AUTS2: variants seen among roughly 807,000 people sequenced by gnomAD.
AUTS2 encodes the protein activator of transcription and developmental regulator AUTS2.
AUTS2 carries 17 observed loss-of-function variants against 112.4 expected under a neutral mutation model. The ratio of observed to expected loss-of-function variants is 0.15; its 90% CI spans 0.10 to 0.23. The LOEUF is 0.23. Among genes scored for constraint, AUTS2 ranks in the 10% least tolerant of loss-of-function variants. AUTS2 has a pLI of 1.00. For missense variants in AUTS2, 1,510 were observed against 1,701.6 expected (o/e 0.89, Z 1.98); for synonymous variants, 751 against 702.7 (o/e 1.07, Z -1.09).
chr7:70,292,572 C>CA (rs1788757014), intron 4 of AUTS2: 1 of 152,150 alleles, frequency 6.6e-6, no homozygotes. Flanking sequence ...AAATGCAGGA[C>CA]AAAATGCATG....
In AUTS2 at chr7:70,337,600, G is replaced by A. The variant is rs534931311; in HGVS notation, c.661-98152G>A. Among the ~76,000 whole-genome samples, 72 of 152,312 alleles carry A rather than the reference G, an allele frequency of 4.7e-4. 1 individual carries two copies. The Middle Eastern group carries it at 0.014, about 29-fold the overall frequency. The stretch of plus-strand genomic sequence containing the variant: ...AAGGTGAATAAATGCATTTTTTAAA[G>A]GCATTTTTGAAATACTTGCTTTTTC... On this transcript the variant is annotated intron_variant, in intron 4 of 18. Coordinates refer to ENST00000342771, the MANE Select transcript of AUTS2 (RefSeq NM_015570.4).
chr7:70,050,917 C>G (rs1180401913), intron 2 of AUTS2, among the ~76,000 whole-genome samples: 1 of 152,094 alleles, frequency 6.6e-6, no homozygotes, highest in African/African-American at 2.4e-5. Flanking sequence ...ATCACTTGAA[C>G]CTGGGAGGCA....
At chr7:69,923,172 A>G (rs1562970790) in intron 2 of AUTS2, among the ~76,000 whole-genome samples, 2 of 152,222 alleles carry the variant, frequency 1.3e-5, no homozygotes, top group Non-Finnish European at 2.9e-5. Context: ...TGGGAGGTAT[A>G]GATTAAAGTT....
chr7:70,708,991 C>G (rs1294306420), intron 6 of AUTS2, among the ~76,000 whole-genome samples: 1 of 150,640 alleles, frequency 6.6e-6, no homozygotes, highest in Admixed American at 6.6e-5. Context: ...CATCTCGGCT[C>G]ACTGCAACCT....
intron 4 of AUTS2, among the ~76,000 whole-genome samples, chr7:70,211,763 G>T (rs1360005019): frequency 6.6e-6 from 1 of 152,072 alleles, no homozygotes; most frequent in Non-Finnish European, 1.5e-5. Flanking sequence ...GAGGCAGGTG[G>T]ATCACGAGGT....
intron 4 of AUTS2, among the ~76,000 whole-genome samples, chr7:70,211,892 A>C (rs146614413): frequency 2.4e-3 from 372 of 152,098 alleles, no homozygotes; most frequent in African/African-American, 8.2e-3. Flanking sequence ...CGGCTGAGGC[A>C]GGAGAATGGA....
chr7:70,166,330 A>G (rs1198168758), intron 4 of AUTS2, among the ~76,000 whole-genome samples: 1 of 152,232 alleles, frequency 6.6e-6, no homozygotes, highest in Non-Finnish European at 1.5e-5. Context: ...CAAAGAGCAT[A>G]TATGGCTTGC....
intron 1 of AUTS2, among the ~76,000 whole-genome samples, chr7:69,736,724 A>C (rs1440973721): frequency 2.6e-5 from 4 of 152,180 alleles, no homozygotes; most frequent in African/African-American, 9.7e-5. Context: ...GATTCTCTGC[A>C]GACCCTTCTG....
intron 2 of AUTS2, among the ~76,000 whole-genome samples, chr7:69,983,167 TA>T: frequency 6.6e-6 from 1 of 152,248 alleles, no homozygotes; most frequent in East Asian, 1.9e-4. Context: ...AATTTTTGCA[TA>T]TTTTCTTACA....
chr7:70,163,219 C>T (rs923483621), intron 4 of AUTS2, among the ~76,000 whole-genome samples: 1 of 151,580 alleles, frequency 6.6e-6, no homozygotes, highest in East Asian at 1.9e-4. Flanking sequence ...ACACCCAGGA[C>T]GAGATGTTCC....
chr7:70,706,759 G>T (rs148405656), intron 6 of AUTS2, among the ~76,000 whole-genome samples: 16 of 152,314 alleles, frequency 1.1e-4, no homozygotes, highest in Admixed American at 8.5e-4. Context: ...TGGAAAAGTT[G>T]CCCCAGAGTG....
intron 2 of AUTS2, among the ~76,000 whole-genome samples, chr7:70,082,942 G>C (rs1176686184): frequency 1.3e-5 from 2 of 152,114 alleles, no homozygotes; most frequent in Non-Finnish European, 2.9e-5. Context: ...TGTGTGACTT[G>C]GTGCTAGGGA....
intron 4 of AUTS2, among the ~76,000 whole-genome samples, chr7:70,323,229 G>C (rs992969638): frequency 2.0e-5 from 3 of 152,210 alleles, no homozygotes; most frequent in Non-Finnish European, 4.4e-5. Context: ...GCTCAAAACA[G>C]GCAGACCTAA....
Position 70,337,429 on chromosome 7 carries a change from C to A in AUTS2, c.661-98323C>A, listed in dbSNP as rs116068624. Among the ~76,000 whole-genome samples, 334 of 152,268 alleles carry A rather than the reference C, an allele frequency of 2.2e-3. 1 individual carries two copies. The highest frequency in any genetic ancestry group is 7.7e-3 in the African/African-American group (320 of 41,544). The stretch of plus-strand genomic sequence containing the variant: ...ATTGACTTAAATGGACAAAATGTTA[C>A]AAGTGATAGCTTTCAAGATGACAAA... On this transcript the variant is annotated intron_variant, in intron 4 of 18. Transcript: ENST00000342771.
At chr7:70,050,260 G>A (rs1801687397) in intron 2 of AUTS2, among the ~76,000 whole-genome samples, 1 of 150,286 alleles carries the variant, frequency 6.7e-6, no homozygotes, top group Non-Finnish European at 1.5e-5. Context: ...AGGAGGCTGA[G>A]GCAGGAGAAT....
intron 6 of AUTS2, among the ~76,000 whole-genome samples, chr7:70,742,881 A>G (rs955616231): frequency 6.6e-6 from 1 of 152,166 alleles, no homozygotes; most frequent in African/African-American, 2.4e-5. Flanking sequence ...GACCACAGAT[A>G]TCAGGAAGCC....
intron 4 of AUTS2, among the ~76,000 whole-genome samples, chr7:70,410,398 T>TTTTATTTA (rs10631565): frequency 0.09 from 12,607 of 140,710 alleles, 672 homozygotes; most frequent in Middle Eastern, 0.12. Context: ...AGGGTTTGTC[T>TTTTATTTA]TTTATTTATT....
At chr7:69,704,279 C>T (rs1043393789) in intron 1 of AUTS2, among the ~76,000 whole-genome samples, 1 of 151,726 alleles carries the variant, frequency 6.6e-6, no homozygotes, top group African/African-American at 2.4e-5. Flanking sequence ...CTCTAAAATA[C>T]AATTTTTTTT....
intron 1 of AUTS2, among the ~76,000 whole-genome samples, chr7:69,688,276 A>G (rs1797150010): frequency 3.3e-5 from 5 of 152,184 alleles, no homozygotes; most frequent in Admixed American, 3.3e-4. Context: ...AATAATTATC[A>G]GTGTGTGGGG....
Sources: gnomAD v4.1 joint callset for allele counts (sites outside exome capture counted in the v4.1 genomes callset) on GRCh38, gnomAD v4.1.1 for gene constraint, MANE v1.5 for transcripts, NCBI Gene and HGNC (gene_info 2026-07-23, HGNC 2026-07-21) for gene names.